Variants in RUNX1 observed in about 807,000 individuals in gnomAD.
The protein encoded by RUNX1 is runt-related transcription factor 1.
A neutral mutation model predicts 42.8 loss-of-function variants in RUNX1; 19 were observed. The ratio of observed to expected loss-of-function variants is 0.44; its 90% CI spans 0.31 to 0.65. The LOEUF (loss-of-function observed/expected upper bound fraction) is 0.65, where lower values mean the gene tolerates loss of function less well. Ranked by LOEUF, RUNX1 falls within the 30% of genes least tolerant of loss-of-function variation. RUNX1 has a pLI of 0.07. For synonymous variants in RUNX1, 271 were observed against 289.4 expected (o/e 0.94, Z 0.64); for missense variants, 528 against 672.0 (o/e 0.79, Z 2.37).
intron 4 of RUNX1, among the ~76,000 whole-genome samples, chr21:34,886,391 T>G (rs756025758): frequency 7.2e-5 from 11 of 152,240 alleles, no homozygotes; most frequent in Non-Finnish European, 1.0e-4. Flanking sequence ...TTCTTTTCAC[T>G]GACTTGAAGG....
chr21:34,911,858 C>T (rs781669363), intron 2 of RUNX1, among the ~76,000 whole-genome samples: 33 of 152,116 alleles, frequency 2.2e-4, no homozygotes, highest in Non-Finnish European at 4.6e-4. Flanking sequence ...GGACCACTTT[C>T]CTGTCTCTAA....
At chr21:34,880,518 T>C (rs2146359377) in intron 5 of RUNX1, 39 bp downstream of exon 5, 1 of 1,608,360 alleles carries the variant, frequency 6.2e-7, no homozygotes, top group Non-Finnish European at 8.5e-7. Flanking sequence ...TTTGTTGCCA[T>C]GAAACGTGTT....
chr21:34,860,542 T>TGC (rs2057559217), intron 5 of RUNX1, among the ~76,000 whole-genome samples: 1 of 151,930 alleles, frequency 6.6e-6, no homozygotes, highest in African/African-American at 2.4e-5. Context: ...TGTGTGTGTG[T>TGC]GTGTGTGTGT....
chr21:34,871,849 T>C (rs2057742342), intron 5 of RUNX1, among the ~76,000 whole-genome samples: 1 of 90,642 alleles, frequency 1.1e-5, no homozygotes, highest in Non-Finnish European at 2.4e-5. Context: ...TTTATCACTT[T>C]TTTTTTTTTT....
At chr21:34,918,621 T>C (rs137905259) in intron 2 of RUNX1, among the ~76,000 whole-genome samples, 2 of 152,318 alleles carry the variant, frequency 1.3e-5, no homozygotes, top group Non-Finnish European at 2.9e-5. Context: ...TGAAATAAGA[T>C]ACATGAGGCC....
chr21:34,809,521 G>A (rs529644252), intron 7 of RUNX1, among the ~76,000 whole-genome samples: 62 of 152,076 alleles, frequency 4.1e-4, no homozygotes, highest in Non-Finnish European at 7.8e-4. Flanking sequence ...AGAATTTTCT[G>A]AAGAACACTC....
intron 2 of RUNX1, among the ~76,000 whole-genome samples, chr21:34,999,950 T>C (rs1437939149): frequency 6.6e-6 from 1 of 152,224 alleles, no homozygotes; most frequent in Non-Finnish European, 1.5e-5. Context: ...AAGCTTCATC[T>C]TTATCGGGCT....
In RUNX1 at chr21:34,924,712, A is replaced by T. The variant is rs563515266; in HGVS notation, c.59-31749T>A. The stretch of plus-strand genomic sequence containing the variant: ...ATTTTATCTCTTTCCTGAAATTTCC[A>T]TTTCTTCCCTGTCTCAATCAGCTTG... On this transcript the variant is annotated intron_variant, in intron 2 of 8. Coordinates refer to ENST00000675419, the MANE Select transcript of RUNX1 (RefSeq NM_001754.5). Among the ~76,000 whole-genome samples the T allele has an allele frequency of 2.0e-5, 3 of 152,206 alleles. No individual in the cohort carries two copies. In the South Asian group the frequency reaches 6.2e-4, roughly 32 times the overall value.
intron 8 of RUNX1, among the ~76,000 whole-genome samples, chr21:34,797,201 T>A (rs1300893058): frequency 6.6e-6 from 1 of 152,186 alleles, no homozygotes; most frequent in Admixed American, 6.5e-5. Context: ...TGGAATTCTG[T>A]CCTCCCTCCA....
chr21:34,877,077 T>C (rs1315062062), intron 5 of RUNX1, among the ~76,000 whole-genome samples: 2 of 152,138 alleles, frequency 1.3e-5, no homozygotes, highest in Non-Finnish European at 2.9e-5. Context: ...CAGGCTGGTC[T>C]TGAACTCCTG....
chr21:34,890,364 C>T (rs962019266), intron 3 of RUNX1, among the ~76,000 whole-genome samples: 1 of 152,212 alleles, frequency 6.6e-6, no homozygotes, highest in African/African-American at 2.4e-5. Context: ...CGCCCCAGAG[C>T]CCACTTGAGC....
chr21:35,015,155 T>TTCCTAAATC (rs1298424421), intron 2 of RUNX1, among the ~76,000 whole-genome samples: 1 of 152,196 alleles, frequency 6.6e-6, no homozygotes, highest in African/African-American at 2.4e-5. Context: ...TTCCTGGCTG[T>TTCCTAAATC]GAGATCCTGG....
chr21:34,855,968 A>T (rs1316565268), intron 6 of RUNX1, among the ~76,000 whole-genome samples: 9 of 152,196 alleles, frequency 5.9e-5, no homozygotes, highest in Non-Finnish European at 1.3e-4. Context: ...TTACTCTAAG[A>T]TATTTCTTAA....
rs193070185 is a variant in RUNX1 at position 34,929,192 on chromosome 21, C to T, written c.59-36229G>A. Among the ~76,000 whole-genome samples the T allele has an allele frequency of 6.4e-4, 98 of 152,234 alleles. 1 individual carries two copies. The East Asian group carries it at 7.7e-3, about 12-fold the overall frequency. On this transcript the variant is annotated intron_variant, in intron 2 of 8. Transcript: ENST00000675419. The stretch of plus-strand genomic sequence containing the variant: ...GTCCTTCCCTGGAAAATCATATACA[C>T]GTTAGGGTTCTCAACAGGCTGTCTG...
In RUNX1 at chr21:35,047,541, ACACACACACACACACACACACT is replaced by A. The variant is rs1317287937; in HGVS notation, c.58+1279_58+1300del. Among the ~76,000 whole-genome samples, 11 of 132,660 alleles carry A rather than the reference ACACACACACACACACACACACT, an allele frequency of 8.3e-5. No individual in the cohort carries two copies. In the South Asian group the frequency reaches 1.1e-3, roughly 13 times the overall value. 87.0% of individuals were successfully genotyped at this position (132,660 alleles called of 152,430 possible). ...CACACACACACACACACACACACAC[ACACACACACACACACACACACT>A]CTCTCTCTCTCTCTCTCTCTCTCTC... is the stretch of plus-strand genomic sequence containing the variant. On this transcript the variant is annotated intron_variant, in intron 2 of 8. Transcript: ENST00000675419.
At chr21:35,030,079 C>T (rs537051370) in intron 2 of RUNX1, among the ~76,000 whole-genome samples, 214 of 152,316 alleles carry the variant, frequency 1.4e-3, no homozygotes, top group Non-Finnish European at 2.5e-3. Flanking sequence ...TGCGGTGGCT[C>T]ACGCCTGTAA....
intron 2 of RUNX1, among the ~76,000 whole-genome samples, chr21:34,986,657 CAG>C (rs1569138111): frequency 6.6e-6 from 1 of 150,908 alleles, no homozygotes; most frequent in Admixed American, 6.6e-5. Flanking sequence ...CATGCGAAGA[CAG>C]AGGCAGAAAC....
chr21:34,834,464 C>T lies in RUNX1; in HGVS notation c.751G>A (p.Ala251Thr), dbSNP rs1601415482. ...AAGGCAGTGGAGTGGTTCAGGGAGG[C>T]ACGAGGGTTGGGCGTGGGGGCTGGG... is the stretch of plus-strand genomic sequence containing the variant. ...HHPAPTPNPR[A>T]SLNHSTAFNP... The change falls in exon 7 of 9, where the codon GCC becomes ACC. Residue 251 changes from alanine to threonine, a missense_variant. Physicochemically the swap from Ala to Thr is moderately conservative, Grantham distance 58 (BLOSUM62 0). Around this residue, in one of 3 missense-constraint regions of RUNX1, gnomAD observed 331 missense variants for 382.5 expected, o/e 0.87. Transcript: ENST00000675419. 2 of 1,612,016 alleles carry T rather than the reference C, an allele frequency of 1.2e-6. No individual in the cohort carries two copies. The highest frequency in any genetic ancestry group is 1.7e-4 in the Middle Eastern group (1 of 6,052).
chr21:34,877,002 G>T (rs552583652), intron 5 of RUNX1, among the ~76,000 whole-genome samples: 1 of 151,920 alleles, frequency 6.6e-6, no homozygotes, highest in African/African-American at 2.4e-5. Flanking sequence ...GATTACAGGC[G>T]CCCGCCACCA....
Sources: gnomAD v4.1 joint callset for allele counts (sites outside exome capture counted in the v4.1 genomes callset) on GRCh38, gnomAD v4.1.1 for gene constraint, gnomAD v4.1.1 regional missense constraint, MANE v1.5 for transcripts, NCBI Gene and HGNC (gene_info 2026-07-23, HGNC 2026-07-21) for gene names.